The following KCNQ1 variants were observed in gnomAD, a reference collection of about 807,000 sequenced individuals.
KCNQ1 encodes the protein potassium voltage-gated channel subfamily KQT member 1.
KCNQ1 carries 49 observed loss-of-function variants against 72.4 expected under a neutral mutation model. The ratio of observed to expected loss-of-function variants is 0.68; its 90% CI spans 0.54 to 0.86. KCNQ1 has a LOEUF of 0.86. KCNQ1 is among the 40% of genes least tolerant of loss of function. The pLI is 0.00. For synonymous variants in KCNQ1, 450 were observed against 412.6 expected, an observed-to-expected ratio of 1.09 and a Z score of -1.10; for missense variants, 790 against 945.1, an observed-to-expected ratio of 0.84 and a Z score of 2.15.
intron 15 of KCNQ1, among the ~76,000 whole-genome samples, chr11:2,832,851 G>A (rs574836455): frequency 4.6e-5 from 7 of 152,236 alleles, no homozygotes; most frequent in East Asian, 3.9e-4. Context: ...GGCTGCCACC[G>A]CCGTGGTCCA....
chr11:2,456,956 A>AC (rs1336315482), intron 1 of KCNQ1, among the ~76,000 whole-genome samples: 5,033 of 106,180 alleles, frequency 0.047, 747 homozygotes, highest in African/African-American at 0.19. Flanking sequence ...AAAAAAAAAA[A>AC]AAAAAAAAAC....
chr11:2,685,803 G>A (rs1850478308), intron 11 of KCNQ1: 3 of 398,676 alleles, frequency 7.5e-6, no homozygotes, highest in Admixed American at 8.8e-5. Flanking sequence ...CAGCGTTCCT[G>A]AGAATGCGAT....
chr11:2,823,398 A>C (rs1487838885), intron 15 of KCNQ1, among the ~76,000 whole-genome samples: 1 of 152,256 alleles, frequency 6.6e-6, no homozygotes, highest in African/African-American at 2.4e-5. Context: ...AAGTCACTGC[A>C]GGAAAAAAGT....
At chr11:2,505,008 T>G (rs986881208) in intron 1 of KCNQ1, among the ~76,000 whole-genome samples, 1 of 152,160 alleles carries the variant, frequency 6.6e-6, no homozygotes, top group Non-Finnish European at 1.5e-5. Context: ...TGGTACATTG[T>G]CTTCTCATCT....
intron 1 of KCNQ1, among the ~76,000 whole-genome samples, chr11:2,517,411 TGAG>T (rs1451622484): frequency 9.9e-5 from 15 of 152,110 alleles, no homozygotes; most frequent in African/African-American, 3.6e-4. Context: ...GGCTCAGGGC[TGAG>T]AAGCCCTGGG....
rs1846517422 is a variant in KCNQ1 at position 2,767,333 on chromosome 11, G to A, written c.1515-1511G>A. On this transcript the variant is annotated intron_variant, in intron 11 of 15. Transcript: ENST00000155840. The surrounding 1 kb of genome is among the most constrained non-coding windows in gnomAD (Gnocchi z 4.6). Reference sequence around the variant, plus strand: ...TTGTTTGCAGGGCCACATTCCAAAAGGACATGAATTATATACCGTGTACAT... The same window carrying A: ...TTGTTTGCAGGGCCACATTCCAAAAAGACATGAATTATATACCGTGTACAT... Among the ~76,000 whole-genome samples the A allele has an allele frequency of 6.6e-6, 1 of 152,102 alleles. No homozygotes were observed. Among genetic ancestry groups the A allele is most frequent in the Admixed American group, 6.5e-5 (1 of 15,274 alleles).
intron 15 of KCNQ1, among the ~76,000 whole-genome samples, chr11:2,839,291 G>A (rs1321880689): frequency 6.7e-6 from 1 of 150,160 alleles, no homozygotes; most frequent in African/African-American, 2.5e-5. Context: ...CCCAGGGAGT[G>A]TTGTGCCACG....
In KCNQ1 at chr11:2,679,018, C is replaced by CT; in HGVS notation, c.1514+16938dup. The stretch of plus-strand genomic sequence containing the variant: ...AAAAACCCGCAATAAGAAACATAAT[C>CT]TAAAACTTGTAGCCCAGCCCCTCCT... On this transcript the variant is annotated intron_variant, in intron 11 of 15. Coordinates refer to ENST00000155840, the MANE Select transcript of KCNQ1 (RefSeq NM_000218.3). This position sits in a 1 kb window ranked among gnomAD's most constrained non-coding sequence, Gnocchi z 4.8. 2.5e-6 allele frequency: 1 copy of CT among 398,634 alleles called. No homozygotes were observed. The highest frequency in any genetic ancestry group is 3.6e-5 in the East Asian group (1 of 28,088). 24.7% of individuals were successfully genotyped at this position (398,634 alleles called of 1,614,324 possible). A position where few individuals can be genotyped will look rare whatever the true frequency, so the allele number is the denominator to read the frequency against.
At chr11:2,496,364 G>A (rs1473064950) in intron 1 of KCNQ1, among the ~76,000 whole-genome samples, 1 of 152,012 alleles carries the variant, frequency 6.6e-6, no homozygotes, top group Admixed American at 6.6e-5. Flanking sequence ...GTGAACCCGG[G>A]AGGTGGAGCT....
intron 10 of KCNQ1, chr11:2,660,578 G>A (rs1187817703): frequency 7.5e-6 from 3 of 398,548 alleles, no homozygotes; most frequent in African/African-American, 4.1e-5. Flanking sequence ...ACATGAACAG[G>A]CAATTCTGCA....
At chr11:2,697,789 C>A (rs984657990) in intron 11 of KCNQ1, 1 of 398,520 alleles carries the variant, frequency 2.5e-6, no homozygotes, top group Non-Finnish European at 4.4e-6. Context: ...CAAGGAACTT[C>A]TGCATCTACA....
In KCNQ1 at chr11:2,715,857, G is replaced by T. The variant is rs569975285; in HGVS notation, c.1515-52987G>T. ...AAATGCCTCCCAGCCTCCTGAGGTT[G>T]AGGGTGGCCACACCAGCCAGAGCTT... On this transcript the variant is annotated intron_variant, in intron 11 of 15. Transcript: ENST00000155840. The surrounding 1 kb of genome is among the most constrained non-coding windows in gnomAD (Gnocchi z 4.9). Among the ~76,000 whole-genome samples the T allele has an allele frequency of 6.6e-6, 1 of 152,380 alleles. No individual in the cohort carries two copies. The highest frequency in any genetic ancestry group is 1.9e-4 in the East Asian group (1 of 5,178).
Position 2,611,792 on chromosome 11 carries a change from T to C in KCNQ1, c.1393+22938T>C. 2.5e-6 allele frequency: 1 copy of C among 398,506 alleles called. No homozygotes were observed. 24.7% of individuals were successfully genotyped at this position (398,506 alleles called of 1,614,324 possible). Reference sequence around the variant, plus strand: ...TCTCATATCACTTTTGTTCCTCTCTTCCTCCTTTACTGCCTTCTGCAGGTT... The same window carrying C: ...TCTCATATCACTTTTGTTCCTCTCTCCCTCCTTTACTGCCTTCTGCAGGTT... On this transcript the variant is annotated intron_variant, in intron 10 of 15. Coordinates refer to ENST00000155840, the MANE Select transcript of KCNQ1 (RefSeq NM_000218.3). The surrounding 1 kb of genome is among the most constrained non-coding windows in gnomAD (Gnocchi z 5.3).
rs549521521 is a variant in KCNQ1 at position 2,672,064 on chromosome 11, T to G, written c.1514+9983T>G. ...TGCACTCAAGCCCAGTATCCTCCCC[T>G]GGTCCCTGGTCTGGACTGAGCAGCT... On this transcript the variant is annotated intron_variant, in intron 11 of 15. Transcript: ENST00000155840. 7.5e-6 allele frequency: 3 copies of G among 398,714 alleles called. No individual in the cohort carries two copies. The South Asian group carries it at 3.8e-4, about 51-fold the overall frequency. The allele number at this position is 398,714 out of a possible 1,614,324, so 24.7% of individuals were successfully genotyped here.
intron 11 of KCNQ1, among the ~76,000 whole-genome samples, chr11:2,736,332 C>A (rs1041764860): frequency 6.6e-6 from 1 of 152,154 alleles, no homozygotes; most frequent in Non-Finnish European, 1.5e-5. Flanking sequence ...TGGGGCCCAC[C>A]GGGGGCTGTG....
rs1455372987 is a variant in KCNQ1, at chr11:2,652,320, T to G, written c.1394-9641T>G. 2.5e-6 allele frequency: 1 copy of G among 398,672 alleles called. No homozygotes were observed. Among genetic ancestry groups the G allele is most frequent in the East Asian group, 3.6e-5 (1 of 28,082 alleles). 24.7% of individuals were successfully genotyped at this position (398,672 alleles called of 1,614,324 possible). On this transcript the variant is annotated intron_variant, in intron 10 of 15. Coordinates refer to ENST00000155840, the MANE Select transcript of KCNQ1 (RefSeq NM_000218.3). This position sits in a 1 kb window ranked among gnomAD's most constrained non-coding sequence, Gnocchi z 5.9. The stretch of plus-strand genomic sequence containing the variant: ...CTCACTAATTGCTTTGATTATTGTG[T>G]GAAGTTAAGAACTGGCACATTTCCG...
At position 2,809,431 on chromosome 11, in the gene KCNQ1, G is replaced by A. The variant is rs950961285; in HGVS notation, c.1794+31394G>A. Among the ~76,000 whole-genome samples, 9 of 152,134 alleles carry A rather than the reference G, an allele frequency of 5.9e-5. No homozygotes were observed. Among genetic ancestry groups the A allele is most frequent in the African/African-American group, 2.2e-4 (9 of 41,424 alleles). ...CCTGGTGCAGCACGTGTTCATTTATGGGTTGTTGTTACCGTGGCATTGGTC... is the reference window on the plus strand; with the variant it reads ...CCTGGTGCAGCACGTGTTCATTTATAGGTTGTTGTTACCGTGGCATTGGTC... On this transcript the variant is annotated intron_variant, in intron 15 of 15. Coordinates refer to ENST00000155840, the MANE Select transcript of KCNQ1 (RefSeq NM_000218.3). The surrounding 1 kb of genome is among the most constrained non-coding windows in gnomAD (Gnocchi z 7.1).
intron 10 of KCNQ1, among the ~76,000 whole-genome samples, chr11:2,596,908 C>CA (rs1318956029): frequency 3.3e-5 from 5 of 151,218 alleles, no homozygotes; most frequent in Admixed American, 6.6e-5. Context: ...TTTTGCATAG[C>CA]AAAAAAACAT....
chr11:2,707,179 GGT>G, intron 11 of KCNQ1, among the ~76,000 whole-genome samples: 1 of 152,260 alleles, frequency 6.6e-6, no homozygotes, highest in South Asian at 2.1e-4. Flanking sequence ...GTGATGGGGT[GGT>G]GATGGGATGC....
Sources: allele counts gnomAD v4.1 joint callset (sites outside exome capture counted in the v4.1 genomes callset), GRCh38; gene constraint gnomAD v4.1.1; non-coding constraint Gnocchi (gnomAD v3.1); transcripts MANE v1.5; gene names NCBI Gene and HGNC (gene_info 2026-07-23, HGNC 2026-07-21).